Variants in DOK5 observed in about 807,000 individuals in gnomAD.
DOK5 encodes the protein downstream of tyrosine kinase 5.
DOK5 carries 27 observed loss-of-function variants against 43.3 expected under a neutral mutation model. The ratio of observed to expected loss-of-function variants is 0.62; its 90% CI spans 0.46 to 0.86. DOK5 has a LOEUF of 0.86. Ranked by LOEUF, DOK5 falls within the 40% of genes least tolerant of loss-of-function variation. The pLI, the probability that DOK5 is intolerant of heterozygous loss-of-function variation, is 0.00. For synonymous variants in DOK5, 146 were observed against 140.1 expected (o/e 1.04, Z -0.30); for missense variants, 373 against 392.9 (o/e 0.95, Z 0.43).
At chr20:54,593,652 C>T (rs1271287483) in intron 5 of DOK5, among the ~76,000 whole-genome samples, 1 of 152,060 alleles carries the variant, frequency 6.6e-6, no homozygotes, top group South Asian at 2.1e-4. Flanking sequence ...CACAGGGAGA[C>T]CCCATCTCTC....
intron 5 of DOK5, among the ~76,000 whole-genome samples, chr20:54,599,273 CT>C (rs1241167550): frequency 1.3e-5 from 2 of 152,172 alleles, no homozygotes; most frequent in Non-Finnish European, 2.9e-5. Context: ...AAGTCCTCTT[CT>C]TTTGTAAGAA....
chr20:54,548,739 C>T (rs999310027), intron 1 of DOK5, among the ~76,000 whole-genome samples: 20 of 152,142 alleles, frequency 1.3e-4, no homozygotes, highest in African/African-American at 4.6e-4. Context: ...AACTCTTAAG[C>T]GAATGGGATT....
intron 1 of DOK5, among the ~76,000 whole-genome samples, chr20:54,477,773 G>A (rs997538576): frequency 3.3e-5 from 5 of 152,268 alleles, no homozygotes; most frequent in African/African-American, 9.6e-5. Flanking sequence ...CATTATTAAT[G>A]CACAAAATAT....
intron 6 of DOK5, among the ~76,000 whole-genome samples, chr20:54,618,744 A>C (rs904644420): frequency 1.3e-5 from 2 of 152,040 alleles, no homozygotes; most frequent in Admixed American, 1.3e-4. Context: ...AGGGCTGAGC[A>C]CAGTGACTCA....
At chr20:54,505,646 G>A (rs1244987410) in intron 1 of DOK5, among the ~76,000 whole-genome samples, 1 of 151,044 alleles carries the variant, frequency 6.6e-6, no homozygotes, top group Non-Finnish European at 1.5e-5. Flanking sequence ...AGGAAATAAA[G>A]AGAAAGAGAG....
At chr20:54,510,587 GT>G (rs1354608379) in intron 1 of DOK5, among the ~76,000 whole-genome samples, 1 of 152,146 alleles carries the variant, frequency 6.6e-6, no homozygotes, top group East Asian at 1.9e-4. Context: ...GTTGTGGGGG[GT>G]TTTAAAATAA....
chr20:54,532,086 T>C (rs1298760589), intron 1 of DOK5, among the ~76,000 whole-genome samples: 1 of 152,180 alleles, frequency 6.6e-6, no homozygotes, highest in Non-Finnish European at 1.5e-5. Context: ...ACAAATACCC[T>C]CCACCTCTGG....
intron 6 of DOK5, among the ~76,000 whole-genome samples, chr20:54,643,152 C>T (rs1979203304): frequency 6.6e-6 from 1 of 152,282 alleles, no homozygotes; most frequent in South Asian, 2.1e-4. Flanking sequence ...GCATGGGTCA[C>T]CAGCCCAACC....
At chr20:54,599,521 T>C (rs1986243774) in intron 5 of DOK5, among the ~76,000 whole-genome samples, 2 of 152,288 alleles carry the variant, frequency 1.3e-5, no homozygotes. Flanking sequence ...GTGTGCTAAG[T>C]GAGAGGTATG....
intron 2 of DOK5, among the ~76,000 whole-genome samples, chr20:54,587,406 T>C (rs1341663634): frequency 1.3e-5 from 2 of 152,054 alleles, no homozygotes; most frequent in African/African-American, 4.8e-5. Context: ...ATTTATTGAA[T>C]TTAGAGTAAC....
At position 54,485,511 on chromosome 20, in the gene DOK5, G is replaced by C. The variant is rs1014279851; in HGVS notation, c.66+9499G>C. On this transcript the variant is annotated intron_variant, in intron 1 of 7. Coordinates refer to ENST00000262593, the MANE Select transcript of DOK5 (RefSeq NM_018431.5). ...TTCTTGCTGAGTAGTGTACCATGGT[G>C]TGTATGTACAATAGGTACCGTAGTT... 3.9e-5 allele frequency among the ~76,000 whole-genome samples: 6 copies of C among 152,190 alleles called. No individual in the cohort carries two copies. The East Asian group carries it at 1.2e-3, about 29-fold the overall frequency.
chr20:54,487,437 G>T (rs940231230), intron 1 of DOK5, among the ~76,000 whole-genome samples: 1 of 151,862 alleles, frequency 6.6e-6, no homozygotes, highest in African/African-American at 2.4e-5. Context: ...TTTAAATAAA[G>T]CTTATTTATT....
rs947722131 is a variant in DOK5 at position 54,632,938 on chromosome 20, G to A, written c.736-10520G>A. 2.4e-4 allele frequency among the ~76,000 whole-genome samples: 36 copies of A among 152,098 alleles called. 1 individual carries two copies. Among genetic ancestry groups the A allele is most frequent in the Admixed American group, 1.9e-3 (29 of 15,262 alleles). Reference sequence around the variant, plus strand: ...CTAAAAATACAGAAATTAGCCAGGCGTGGTGGTGCGTCCCTGTAATCCCAG... The same window carrying A: ...CTAAAAATACAGAAATTAGCCAGGCATGGTGGTGCGTCCCTGTAATCCCAG... On this transcript the variant is annotated intron_variant, in intron 6 of 7. Coordinates refer to ENST00000262593, the MANE Select transcript of DOK5 (RefSeq NM_018431.5).
At chr20:54,558,947 C>CT (rs1984809138) in intron 2 of DOK5, among the ~76,000 whole-genome samples, 1 of 152,138 alleles carries the variant, frequency 6.6e-6, no homozygotes, top group Admixed American at 6.5e-5. Context: ...GGAAAATAAA[C>CT]ATATGAATAA....
chr20:54,599,184 G>C (rs928014662), intron 5 of DOK5, among the ~76,000 whole-genome samples: 1 of 152,110 alleles, frequency 6.6e-6, no homozygotes, highest in Non-Finnish European at 1.5e-5. Context: ...CCAGTATGCT[G>C]AGCTCCCCCA....
intron 2 of DOK5, among the ~76,000 whole-genome samples, chr20:54,561,277 T>C (rs560989279): frequency 2.0e-4 from 31 of 152,266 alleles, no homozygotes; most frequent in African/African-American, 7.0e-4. Context: ...TTCTGTCCAT[T>C]TGGGGCTGAT....
intron 2 of DOK5, among the ~76,000 whole-genome samples, chr20:54,581,111 A>C (rs927516061): frequency 1.1e-4 from 16 of 152,100 alleles, no homozygotes; most frequent in African/African-American, 3.6e-4. Context: ...CAGATTTTGT[A>C]GCATCATTTG....
chr20:54,574,436 G>A (rs990721008), intron 2 of DOK5, among the ~76,000 whole-genome samples: 1 of 152,144 alleles, frequency 6.6e-6, no homozygotes, highest in Non-Finnish European at 1.5e-5. Flanking sequence ...AGTGTGTATA[G>A]CAGCTCACCT....
chr20:54,478,852 A>G (rs568689270), intron 1 of DOK5, among the ~76,000 whole-genome samples: 1 of 152,296 alleles, frequency 6.6e-6, no homozygotes, highest in African/African-American at 2.4e-5. Flanking sequence ...ATCAAAGATG[A>G]GTTAGGATTG....
Sources: allele counts gnomAD v4.1 joint callset (sites outside exome capture counted in the v4.1 genomes callset), GRCh38; gene constraint gnomAD v4.1.1; transcripts MANE v1.5; gene names NCBI Gene and HGNC (gene_info 2026-07-23, HGNC 2026-07-21).